The following KDM6B variants were observed in gnomAD, a reference collection of about 807,000 sequenced individuals.
KDM6B encodes the protein lysine demethylase 6B, also known as lysine-specific demethylase 6B.
A neutral mutation model predicts 150.4 loss-of-function variants in KDM6B; 22 were observed. The observed-to-expected ratio is 0.15, with a 90% CI of 0.10 to 0.21. KDM6B has a LOEUF of 0.21. Among genes scored for constraint, KDM6B ranks in the 10% least tolerant of loss-of-function variants. The pLI is 1.00. For missense variants in KDM6B, 1,984 were observed against 2,234.3 expected (o/e 0.89, Z 2.26); for synonymous variants, 1,148 against 921.1 (o/e 1.25, Z -4.46).
intron 19 of KDM6B, 25 bp downstream of exon 19, chr17:7,852,090 G>T: frequency 6.2e-7 from 1 of 1,613,734 alleles, no homozygotes; most frequent in Non-Finnish European, 8.5e-7. Context: ...GCGCAAGTCA[G>T]ACTGCCGCGT....
chr17:7,852,330 C>T lies in KDM6B; in HGVS notation c.4462C>T (p.Leu1488Phe). Reference sequence around the variant, plus strand: ...CAACATTGCCTGGAACGTGGGGCCCCTCACCGGTGAGAGGGTGGGGCAGGT... The same window carrying T: ...CAACATTGCCTGGAACGTGGGGCCCTTCACCGGTGAGAGGGTGGGGCAGGT... ...CNNIAWNVGP[L>F]TAYQYQLALE... Residue 1488 changes from leucine to phenylalanine, a missense_variant, in exon 20 of 24, where the codon CTC becomes TTC. Around this residue, in one of 13 missense-constraint regions of KDM6B, gnomAD observed 41 missense variants for 158.8 expected, o/e 0.26. Coordinates refer to ENST00000448097, the MANE Select transcript of KDM6B (RefSeq NM_001348716.2). The T allele has an allele frequency of 1.9e-6, 3 of 1,612,928 alleles. No homozygotes were observed. The highest frequency in any genetic ancestry group is 2.5e-6 in the Non-Finnish European group (3 of 1,179,856).
chr17:7,846,249 C>T lies in KDM6B; in HGVS notation c.408C>T (p.Tyr136=), dbSNP rs140481691. ...GCTGCTACCACAGCGCCCTTCGATA[C>T]GGAGGAAGCTTCGCTGAGCTGGGGC... ...ATRCYHSALR[Y]GGSFAELGPR... is the part of the protein sequence containing the mutation. Residue 136 remains tyrosine, a synonymous_variant, in exon 7 of 24, where the codon TAC becomes TAT. Coordinates refer to ENST00000448097, the MANE Select transcript of KDM6B (RefSeq NM_001348716.2). The T allele has an allele frequency of 2.2e-5, 36 of 1,613,994 alleles. No individual in the cohort carries two copies. Among genetic ancestry groups the T allele is most frequent in the Admixed American group, 6.7e-5 (4 of 60,022 alleles).
chr17:7,847,378 G>C lies in KDM6B; in HGVS notation c.1183G>C (p.Gly395Arg), dbSNP rs760089527. 1 of 1,612,982 alleles carries C rather than the reference G, an allele frequency of 6.2e-7. No homozygotes were observed. ...CCCTTCCCGGCCCCCTGGCCTCCCC[G>C]GCACCACCACCAGCAGCAGCAGTAG... ...YAPSRPPGLPGTTTSSSSSSS... is the reference protein window; with the variant it reads ...YAPSRPPGLPRTTTSSSSSSS... The change falls in exon 11 of 24, where the codon GGC (glycine) becomes CGC (arginine). Residue 395 changes from glycine to arginine, a missense_variant. Transcript: ENST00000448097.
rs1008600901 is a variant in KDM6B at position 7,849,120 on chromosome 17, A to T, written c.2832A>T (p.Pro944=). ...CCGACCCAGTGGACACAGCAGAGCC[A>T]GCGGACAGTGGGACTGAGCGACTGC... ...DPADPVDTAE[P]ADSGTERLLP... Residue 944 remains proline (P), a synonymous_variant, in exon 12 of 24, where the codon CCA becomes CCT. Coordinates refer to ENST00000448097, the MANE Select transcript of KDM6B (RefSeq NM_001348716.2). 2 of 1,612,470 alleles carry T rather than the reference A, an allele frequency of 1.2e-6. No homozygotes were observed. The highest frequency in any genetic ancestry group is 1.7e-6 in the Non-Finnish European group (2 of 1,179,890).
At chr17:7,836,972 C>A (rs1237324168) in intron 1 of KDM6B, among the ~76,000 whole-genome samples, 1 of 152,200 alleles carries the variant, frequency 6.6e-6, no homozygotes, top group Admixed American at 6.5e-5. Flanking sequence ...CGTGCCATCT[C>A]TTTCCCCTCT....
chr17:7,843,219 C>A lies in KDM6B; in HGVS notation c.-268-1682C>A, dbSNP rs2078453612. Among the ~76,000 whole-genome samples the A allele has an allele frequency of 6.6e-6, 1 of 152,164 alleles. No homozygotes were observed. On this transcript the variant is annotated intron_variant, in intron 2 of 23. Transcript: ENST00000448097. The surrounding 1 kb of genome is among the most constrained non-coding windows in gnomAD (Gnocchi z 4.5). ...GCATCTGCCCCTCTGTTGTCTGGTT[C>A]CCCGGCTCCCCCTCCACGTCTGGTT...
At chr17:7,840,837 CTA>C (rs1430152772) in intron 2 of KDM6B, among the ~76,000 whole-genome samples, 4 of 152,206 alleles carry the variant, frequency 2.6e-5, no homozygotes, top group Admixed American at 2.6e-4. Flanking sequence ...TATGAAGAAC[CTA>C]TGACTTCTGA....
rs2078466865 is a variant in KDM6B, at chr17:7,843,745, C to T, written c.-268-1156C>T. ...CTCGCTGCTCTTTGTACTCTAGACT[C>T]TCAATGGACCGATCCCGGGAGCCGA... On this transcript the variant is annotated intron_variant, in intron 2 of 23. Transcript: ENST00000448097. This position sits in a 1 kb window ranked among gnomAD's most constrained non-coding sequence, Gnocchi z 4.5. Among the ~76,000 whole-genome samples the T allele has an allele frequency of 6.6e-6, 1 of 152,092 alleles. No individual in the cohort carries two copies. Among genetic ancestry groups the T allele is most frequent in the South Asian group, 2.1e-4 (1 of 4,832 alleles).
Position 7,846,098 on chromosome 17 carries a change from T to G in KDM6B, c.257T>G (p.Leu86Arg). The change falls in exon 7 of 24, where the codon CTC (leucine) becomes CGC (arginine). Residue 86 changes from leucine to arginine, a missense_variant. Leu to Arg is a moderately radical substitution (Grantham distance 102). Coordinates refer to ENST00000448097, the MANE Select transcript of KDM6B (RefSeq NM_001348716.2). ...TGTAGGGCGCCCACTCCAAGACCCC[T>G]CCATGGGAAGCTGGAATCCCTGCAT... ...YAPGAPTPRP[L>R]HGKLESLHGC... 7.9e-7 allele frequency: 1 copy of G among 1,262,058 alleles called. No individual in the cohort carries two copies. The highest frequency in any genetic ancestry group is 2.5e-5 in the Admixed American group (1 of 40,706). 78.2% of individuals were successfully genotyped at this position (1,262,058 alleles called of 1,614,324 possible). A position where few individuals can be genotyped will look rare whatever the true frequency, so the allele number is the denominator to read the frequency against.
intron 21 of KDM6B, 132 bp downstream of exon 21, chr17:7,852,768 G>A: frequency 4.3e-6 from 6 of 1,388,430 alleles, no homozygotes; most frequent in Admixed American, 1.8e-5. Flanking sequence ...ACTGTGTTGG[G>A]GAGGCTAACT....
intron 10 of KDM6B, 43 bp downstream of exon 10, chr17:7,847,059 C>A: frequency 6.2e-7 from 1 of 1,610,962 alleles, no homozygotes; most frequent in Non-Finnish European, 8.5e-7. Flanking sequence ...CCTACAAGTC[C>A]CACGCTCTCT....
intron 1 of KDM6B, among the ~76,000 whole-genome samples, chr17:7,837,685 C>T (rs904474121): frequency 2.6e-5 from 4 of 152,140 alleles, no homozygotes; most frequent in African/African-American, 4.8e-5. Context: ...CAACACCTAC[C>T]TTGAAGGCCG....
rs954765991 is a variant in KDM6B, at chr17:7,843,637, A to T, written c.-268-1264A>T. On this transcript the variant is annotated intron_variant, in intron 2 of 23. Coordinates refer to ENST00000448097, the MANE Select transcript of KDM6B (RefSeq NM_001348716.2). This position sits in a 1 kb window ranked among gnomAD's most constrained non-coding sequence, Gnocchi z 4.5. ...AGCCACCCCCAGCCCCTCGTCGCGC[A>T]CTCTCCCCCGGCTTCCTGCCCGGCG... Among the ~76,000 whole-genome samples the T allele has an allele frequency of 6.7e-6, 1 of 149,142 alleles. No homozygotes were observed. The highest frequency in any genetic ancestry group is 2.0e-4 in the East Asian group (1 of 4,960).
Position 7,849,687 on chromosome 17 carries a change from C to T in KDM6B, c.3399C>T (p.Leu1133=), listed in dbSNP as rs1223694209. 3 of 1,610,266 alleles carry T rather than the reference C, an allele frequency of 1.9e-6. No homozygotes were observed. Among genetic ancestry groups the T allele is most frequent in the African/African-American group, 2.7e-5 (2 of 74,856 alleles). The change falls in exon 12 of 24, where the codon CTC becomes CTT. Residue 1133 remains leucine, a synonymous_variant. Transcript: ENST00000448097. ...VEERRLRMAD[L]TISHCAADVV... ...AGCGGCGGCTGCGCATGGCAGACCT[C>T]ACCATCAGCCACTGTGCTGCTGACG...
rs2078474418 is a variant in KDM6B at position 7,843,984 on chromosome 17, G to A, written c.-268-917G>A. Among the ~76,000 whole-genome samples, 1 of 152,104 alleles carries A rather than the reference G, an allele frequency of 6.6e-6. No individual in the cohort carries two copies. The highest frequency in any genetic ancestry group is 1.5e-5 in the Non-Finnish European group (1 of 67,982). On this transcript the variant is annotated intron_variant, in intron 2 of 23. Transcript: ENST00000448097. The surrounding 1 kb of genome is among the most constrained non-coding windows in gnomAD (Gnocchi z 4.5). ...GTGAAACGAGTTCTGGGTTCTTTAAGGGAGTGGGTGGTGAGAGTGGGACAA... is the reference window on the plus strand; with the variant it reads ...GTGAAACGAGTTCTGGGTTCTTTAAAGGAGTGGGTGGTGAGAGTGGGACAA...
chr17:7,838,907 TG>T (rs2078374128), intron 1 of KDM6B, among the ~76,000 whole-genome samples: 1 of 151,986 alleles, frequency 6.6e-6, no homozygotes, highest in Non-Finnish European at 1.5e-5. Flanking sequence ...AGCACCTCCC[TG>T]GGGGCAGTGT....
Position 7,851,513 on chromosome 17 carries a change from A to G in KDM6B, c.3980A>G (p.Lys1327Arg). 6.2e-7 allele frequency: 1 copy of G among 1,614,102 alleles called. No homozygotes were observed. The highest frequency in any genetic ancestry group is 8.5e-7 in the Non-Finnish European group (1 of 1,180,010). Residue 1327 changes from lysine (K) to arginine (R), a missense_variant, in exon 17 of 24, where the codon AAG becomes AGG. Lys to Arg is a conservative substitution (Grantham distance 26). Transcript: ENST00000448097. ...APDPKNHHII[K>R]FGTNIDLSDA... ...GACCCGAAGAACCATCACATCATCA[A>G]GTTTGGCACCAACATCGACTTGTCT...
At position 7,849,472 on chromosome 17, in the gene KDM6B, C is replaced by T. The variant is rs772589272; in HGVS notation, c.3184C>T (p.Pro1062Ser). The change falls in exon 12 of 24, where the codon CCC (proline) becomes TCC (serine). Residue 1062 changes from proline to serine, a missense_variant. Transcript: ENST00000448097. ...ATCAGCTCCTGCACCTTCTGCCCAGCCCACACCCCCGTCAGCCTCTGTCCC... is the reference window on the plus strand; with the variant it reads ...ATCAGCTCCTGCACCTTCTGCCCAGTCCACACCCCCGTCAGCCTCTGTCCC... ...PPSAPAPSAQ[P>S]TPPSASVPGK... is the part of the protein sequence containing the mutation. 101 of 1,612,638 alleles carry T rather than the reference C, an allele frequency of 6.3e-5. 4 individuals are homozygous for T. The Middle Eastern group carries it at 2.3e-3, about 37-fold the overall frequency.
rs1438819790 is a variant in KDM6B, at chr17:7,853,024, G to A, written c.4635G>A (p.Lys1545=). The change falls in exon 22 of 24, where the codon AAG becomes AAA. Residue 1545 remains lysine, a synonymous_variant. Transcript: ENST00000448097. ...MIKFCLLQSM[K]HCQVQRESLV... ...GGTTCTGCCTGCTGCAGTCCATGAA[G>A]CACTGCCAGGTGCAACGCGAGAGCC... The A allele has an allele frequency of 1.9e-6, 3 of 1,613,902 alleles. No individual in the cohort carries two copies. The highest frequency in any genetic ancestry group is 2.7e-5 in the African/African-American group (2 of 74,932).
Sources: allele counts gnomAD v4.1 joint callset (sites outside exome capture counted in the v4.1 genomes callset), GRCh38; gene constraint gnomAD v4.1.1; regional missense constraint gnomAD v4.1.1; non-coding constraint Gnocchi (gnomAD v3.1); transcripts MANE v1.5; gene names NCBI Gene and HGNC (gene_info 2026-07-23, HGNC 2026-07-21).